Variants in ARHGAP32 observed in about 807,000 individuals in gnomAD.
The protein encoded by ARHGAP32 is Rho GTPase activating protein 32, also known as rho GTPase-activating protein 32.
A neutral mutation model predicts 186.5 loss-of-function variants in ARHGAP32; 51 were observed. That is an observed-to-expected ratio of 0.27 (90% CI 0.22 to 0.35). ARHGAP32 has a LOEUF of 0.35. Among genes scored for constraint, ARHGAP32 ranks in the 10% least tolerant of loss-of-function variants. ARHGAP32 has a pLI of 1.00. For missense variants in ARHGAP32, 2,186 were observed against 2,623.5 expected, an observed-to-expected ratio of 0.83 and a Z score of 3.64; for synonymous variants, 950 against 964.3, an observed-to-expected ratio of 0.99 and a Z score of 0.27.
intron 2 of ARHGAP32, among the ~76,000 whole-genome samples, chr11:129,159,171 C>T (rs1943475914): frequency 6.6e-6 from 1 of 151,958 alleles, no homozygotes. Flanking sequence ...CAAACAAATT[C>T]AAGAGCTAAC....
chr11:129,091,040 G>A (rs1941564298), intron 6 of ARHGAP32, among the ~76,000 whole-genome samples: 1 of 152,080 alleles, frequency 6.6e-6, no homozygotes, highest in Non-Finnish European at 1.5e-5. Flanking sequence ...GATAAGGGAG[G>A]GGATATCTGC....
chr11:128,970,020 G>C lies in ARHGAP32; in HGVS notation c.5193C>G (p.Gly1731=). ...CATTATGGTCGTTGGGAGAGAAATA[G>C]CCAGTCACGTTGGCCCGGGGACGTG... ...LAPRPRANVT[G]YFSPNDHNVV... The change falls in exon 23 of 23, where the codon GGC becomes GGG. Residue 1731 remains glycine, a synonymous_variant. Transcript: ENST00000682385. The surrounding 1 kb of genome is among the most constrained non-coding windows in gnomAD (Gnocchi z 5.8). The C allele has an allele frequency of 6.2e-7, 1 of 1,614,188 alleles. No individual in the cohort carries two copies.
At chr11:129,131,034 T>G (rs956392533) in intron 2 of ARHGAP32, among the ~76,000 whole-genome samples, 1 of 151,990 alleles carries the variant, frequency 6.6e-6, no homozygotes, top group African/African-American at 2.4e-5. Context: ...TTAAACAACA[T>G]GAATAAATCT....
At position 129,058,633 on chromosome 11, in the gene ARHGAP32, G is replaced by A. The variant is rs564816766; in HGVS notation, c.963+3647C>T. 1.0e-3 allele frequency among the ~76,000 whole-genome samples: 158 copies of A among 152,334 alleles called. 3 individuals are homozygous for A. Among genetic ancestry groups the A allele is most frequent in the African/African-American group, 3.7e-3 (154 of 41,572 alleles). On this transcript the variant is annotated intron_variant, in intron 10 of 22. Transcript: ENST00000682385. ...AGGCCAGCCAGGTGGGCTGCATGGG[G>A]ATAAGGCCCAGCGTTTCCCACTTAA... is the stretch of plus-strand genomic sequence containing the variant.
chr11:129,252,904 C>T (rs920968305), intron 1 of ARHGAP32, among the ~76,000 whole-genome samples: 2 of 152,162 alleles, frequency 1.3e-5, no homozygotes, highest in African/African-American at 4.8e-5. Flanking sequence ...CCTAGAGAAG[C>T]TCCCTGAATC....
At chr11:128,978,520 C>A (rs575552214) in intron 19 of ARHGAP32, among the ~76,000 whole-genome samples, 1 of 152,186 alleles carries the variant, frequency 6.6e-6, no homozygotes, top group East Asian at 1.9e-4. Flanking sequence ...TGAATTTAAT[C>A]ACATTTACAC....
chr11:129,101,071 C>G (rs1488555357), intron 5 of ARHGAP32, among the ~76,000 whole-genome samples: 1 of 152,186 alleles, frequency 6.6e-6, no homozygotes, highest in Non-Finnish European at 1.5e-5. Flanking sequence ...AGACAGAGAA[C>G]AAAGTCTGGA....
intron 1 of ARHGAP32, among the ~76,000 whole-genome samples, chr11:129,201,447 T>C (rs530933133): frequency 4.5e-4 from 69 of 152,276 alleles, no homozygotes; most frequent in African/African-American, 1.6e-3. Context: ...TATAACGGTA[T>C]ACCTAACTAG....
intron 11 of ARHGAP32, among the ~76,000 whole-genome samples, chr11:128,999,855 G>A (rs1428326562): frequency 1.3e-5 from 2 of 152,114 alleles, no homozygotes; most frequent in Middle Eastern, 3.2e-3. Context: ...GCATACTTAA[G>A]GATGTTACAG....
chr11:128,969,904 C>T lies in ARHGAP32; in HGVS notation c.5309G>A (p.Arg1770Gln), dbSNP rs535956698. 45 of 1,614,222 alleles carry T rather than the reference C, an allele frequency of 2.8e-5. No homozygotes were observed. Among genetic ancestry groups the T allele is most frequent in the Middle Eastern group, 3.3e-4 (2 of 6,062 alleles). Residue 1770 changes from arginine to glutamine, a missense_variant, in exon 23 of 23, where the codon CGG becomes CAG. This residue lies in a region of ARHGAP32 where 1,502 missense variants were observed against 1,570.0 expected (regional missense o/e 0.96). Coordinates refer to ENST00000682385, the MANE Select transcript of ARHGAP32 (RefSeq NM_001378024.1). The surrounding 1 kb of genome is among the most constrained non-coding windows in gnomAD (Gnocchi z 4.8). ...DMEKYRMQSIRRESRARQKVK... is the reference protein window; with the variant it reads ...DMEKYRMQSIQRESRARQKVK... ...CTTCTGCCGAGCACGGCTCTCTCTC[C>T]GGATGGACTGCATGCGGTATTTTTC...
chr11:129,102,897 CAG>C (rs369453501), intron 5 of ARHGAP32, among the ~76,000 whole-genome samples: 46 of 152,232 alleles, frequency 3.0e-4, no homozygotes, highest in Admixed American at 1.2e-3. Flanking sequence ...AAAGACAAAA[CAG>C]AGTCTCAAAG....
intron 1 of ARHGAP32, among the ~76,000 whole-genome samples, chr11:129,242,799 T>G (rs1374819726): frequency 6.7e-6 from 1 of 149,694 alleles, no homozygotes; most frequent in African/African-American, 2.4e-5. Context: ...GGTAGTAAGA[T>G]TTTTTTTTTG....
chr11:129,108,299 G>T (rs1245624533), intron 5 of ARHGAP32, among the ~76,000 whole-genome samples: 3 of 152,084 alleles, frequency 2.0e-5, no homozygotes, highest in Non-Finnish European at 2.9e-5. Context: ...AAAATGAAAA[G>T]ATGAAAAACT....
chr11:129,023,992 G>A, intron 11 of ARHGAP32: 1 of 985,398 alleles, frequency 1.0e-6, no homozygotes, highest in Non-Finnish European at 1.2e-6. Flanking sequence ...TAATCCAACT[G>A]GTTCCAACCT....
At chr11:129,193,688 A>G (rs1390547632), upstream of ARHGAP32, among the ~76,000 whole-genome samples, 38 of 33,290 alleles carry the variant, frequency 1.1e-3, no homozygotes, top group African/African-American at 3.2e-3. Flanking sequence ...TATAATATAT[A>G]TTATATAATA....
chr11:129,193,307 A>G (rs1201122007), upstream of ARHGAP32, among the ~76,000 whole-genome samples: 1 of 420 alleles, frequency 2.4e-3, no homozygotes, highest in African/African-American at 7.4e-3. Flanking sequence ...CCTCATCTTT[A>G]TGGGGGGGGG....
intron 10 of ARHGAP32, among the ~76,000 whole-genome samples, chr11:129,060,676 T>C (rs1940463461): frequency 6.6e-6 from 1 of 152,178 alleles, no homozygotes; most frequent in Non-Finnish European, 1.5e-5. Flanking sequence ...GGTAATGTGA[T>C]AGGGTTTTTC....
chr11:129,073,810 T>C (rs573298935), intron 6 of ARHGAP32, among the ~76,000 whole-genome samples: 32 of 149,870 alleles, frequency 2.1e-4, no homozygotes, highest in Non-Finnish European at 3.4e-4. Context: ...AAATCCAAGA[T>C]AAAGAAAATA....
rs761637094 is a variant in ARHGAP32 at position 128,970,775 on chromosome 11, G to C, written c.4438C>G (p.His1480Asp). The change falls in exon 23 of 23, where the codon CAT becomes GAT. Residue 1480 changes from histidine (H) to aspartate (D), a missense_variant. Transcript: ENST00000682385. This position sits in a 1 kb window ranked among gnomAD's most constrained non-coding sequence, Gnocchi z 5.8. ...GAGTAAACTGTTTTCTGAGAAGCATGCTTAGGTTGTGGGACAGGAAGTGGT... is the reference window on the plus strand; with the variant it reads ...GAGTAAACTGTTTTCTGAGAAGCATCCTTAGGTTGTGGGACAGGAAGTGGT... Reference protein sequence around the residue: ...PLPLPVPQPKHASQKTVYSSF... With the variant: ...PLPLPVPQPKDASQKTVYSSF... The C allele has an allele frequency of 6.2e-7, 1 of 1,614,222 alleles. No individual in the cohort carries two copies. Among genetic ancestry groups the C allele is most frequent in the Non-Finnish European group, 8.5e-7 (1 of 1,180,028 alleles).
Sources: gnomAD v4.1 joint callset for allele counts (sites outside exome capture counted in the v4.1 genomes callset) on GRCh38, gnomAD v4.1.1 for gene constraint, gnomAD v4.1.1 regional missense constraint, Gnocchi (gnomAD v3.1) non-coding constraint, MANE v1.5 for transcripts, NCBI Gene and HGNC (gene_info 2026-07-23, HGNC 2026-07-21) for gene names.